ARV1: variants seen among roughly 807,000 people sequenced by gnomAD.
ARV1 encodes the protein protein ARV1.
ARV1 carries 26 observed loss-of-function variants against 31.1 expected under a neutral mutation model. That is an observed-to-expected ratio of 0.84 (90% CI 0.61 to 1.16). The LOEUF is 1.16. Among genes scored for constraint, ARV1 ranks in the 50% most tolerant of loss-of-function variants. The probability of loss-of-function intolerance (pLI) is 0.00; values close to 1 mark genes in which losing one functional copy is unlikely to be tolerated. For missense variants in ARV1, 281 were observed against 324.9 expected (o/e 0.86, Z 1.04); for synonymous variants, 117 against 123.2 (o/e 0.95, Z 0.34).
chr1:230,979,365 G>T (rs540823112), intron 1 of ARV1, 86 bp downstream of exon 1: 2 of 1,476,732 alleles, frequency 1.4e-6, no homozygotes, highest in East Asian at 2.3e-5. Context: ...CTCTGATACA[G>T]TCTTTAGTTC....
chr1:230,980,935 C>G (rs773752863), intron 1 of ARV1, among the ~76,000 whole-genome samples: 2 of 152,156 alleles, frequency 1.3e-5, no homozygotes, highest in Non-Finnish European at 2.9e-5. Flanking sequence ...TTCCCACCCG[C>G]ATTTCATTAG....
chr1:230,979,209 T>G lies in ARV1; in HGVS notation c.104T>G (p.Ile35Ser), dbSNP rs375542897. The G allele has an allele frequency of 6.2e-7, 1 of 1,613,268 alleles. No homozygotes were observed. Among genetic ancestry groups the G allele is most frequent in the African/African-American group, 1.3e-5 (1 of 74,836 alleles). ...TCGGCCTCCTGCCAGTACAGGTGCA[T>G]CGAATGCAACCAGGAGGCCAAAGAG... ...AASASCQYRC[I>S]ECNQEAKELY... The change falls in exon 1 of 6, where the codon ATC becomes AGC. Residue 35 changes from isoleucine to serine, a missense_variant. Coordinates refer to ENST00000310256, the MANE Select transcript of ARV1 (RefSeq NM_022786.3).
Position 230,990,101 on chromosome 1 carries a change from G to A in ARV1, c.295-9G>A, listed in dbSNP as rs568467871. ...TACCTAATTGAATGGCAATGTCTTT[G>A]ACTATCAGATCCATGGAAAACTCTG... On this transcript the variant is annotated splice_polypyrimidine_tract_variant and intron_variant, in intron 2 of 5. Coordinates refer to ENST00000310256, the MANE Select transcript of ARV1 (RefSeq NM_022786.3). 4 of 1,598,022 alleles carry A rather than the reference G, an allele frequency of 2.5e-6. No individual in the cohort carries two copies. The East Asian group carries it at 9.0e-5, about 36-fold the overall frequency.
intron 3 of ARV1, among the ~76,000 whole-genome samples, chr1:230,993,571 G>C (rs1679286787): frequency 6.6e-6 from 1 of 152,094 alleles, no homozygotes; most frequent in East Asian, 1.9e-4. Context: ...ATGTGTCTTA[G>C]TCTAATCCCT....
In ARV1 at chr1:230,997,144, C is replaced by T; in HGVS notation, c.697C>T (p.Leu233Phe). The T allele has an allele frequency of 6.2e-7, 1 of 1,613,768 alleles. No individual in the cohort carries two copies. Among genetic ancestry groups the T allele is most frequent in the South Asian group, 1.1e-5 (1 of 91,038 alleles). Residue 233 changes from leucine to phenylalanine, a missense_variant, in exon 5 of 6, where the codon CTC becomes TTC. Leu to Phe is a conservative substitution (Grantham distance 22). Transcript: ENST00000310256. ...IRVTLNINRK[L>F]SFLAVLSGLL... ...AGTGACCCTAAACATCAACCGTAAG[C>T]TCTCCTTCTTGGCCGTGTTGAGTGG... is the stretch of plus-strand genomic sequence containing the variant.
In ARV1 at chr1:230,984,363, C is replaced by CGTGTGTGTGTGTGT. The variant is rs34285543; in HGVS notation, c.175-3932_175-3919dup. On this transcript the variant is annotated intron_variant, in intron 1 of 5. Coordinates refer to ENST00000310256, the MANE Select transcript of ARV1 (RefSeq NM_022786.3). Reference sequence around the variant, plus strand: ...TGTTTCGTGTGTGTGTGTGTGTGTGCGTGTGTGTGTGTGTGTGTGTGTGTG... The same window carrying CGTGTGTGTGTGTGT: ...TGTTTCGTGTGTGTGTGTGTGTGTGCGTGTGTGTGTGTGTGTGTGTGTGTGTGTGTGTGTGTGTG... 1.5e-3 allele frequency among the ~76,000 whole-genome samples: 191 copies of CGTGTGTGTGTGTGT among 129,836 alleles called. 1 individual carries two copies. The highest frequency in any genetic ancestry group is 2.3e-3 in the Non-Finnish European group (137 of 60,758). The allele number at this position is 129,836 out of a possible 152,430, so 85.2% of individuals were successfully genotyped here. A position where few individuals can be genotyped will look rare whatever the true frequency, so the allele number is the denominator to read the frequency against.
At chr1:230,987,734 T>G (rs975998885) in intron 1 of ARV1, among the ~76,000 whole-genome samples, 8 of 152,218 alleles carry the variant, frequency 5.3e-5, no homozygotes, top group Admixed American at 2.0e-4. Flanking sequence ...TCTTTCCATA[T>G]CCTTGATGTT....
At chr1:230,984,754 A>G (rs902785888) in intron 1 of ARV1, among the ~76,000 whole-genome samples, 2 of 152,246 alleles carry the variant, frequency 1.3e-5, no homozygotes, top group Admixed American at 1.3e-4. Flanking sequence ...TAAAAGACAA[A>G]TGGTTACAAG....
intron 1 of ARV1, among the ~76,000 whole-genome samples, chr1:230,982,806 A>G (rs1487894332): frequency 6.6e-6 from 1 of 152,226 alleles, no homozygotes; most frequent in African/African-American, 2.4e-5. Flanking sequence ...CCTCTGAGAT[A>G]CAAAAAGTAA....
intron 1 of ARV1, among the ~76,000 whole-genome samples, chr1:230,985,902 G>A (rs775046819): frequency 2.0e-5 from 3 of 150,656 alleles, no homozygotes; most frequent in African/African-American, 4.9e-5. Context: ...CTCCTTATGC[G>A]TCAGTTTGAT....
At chr1:230,980,663 A>G (rs762602662) in intron 1 of ARV1, among the ~76,000 whole-genome samples, 3 of 152,062 alleles carry the variant, frequency 2.0e-5, no homozygotes, top group Non-Finnish European at 4.4e-5. Context: ...TTGCAACAAC[A>G]TAAACCCAAT....
intron 1 of ARV1, among the ~76,000 whole-genome samples, chr1:230,984,375 T>TGCGTGC (rs1166140005): frequency 1.6e-5 from 2 of 122,246 alleles, no homozygotes; most frequent in African/African-American, 6.0e-5. Flanking sequence ...TGTGTGTGTG[T>TGCGTGC]GTGTGTGTGT....
chr1:230,986,668 ATTTTTTTTTTTTTTTTTT>A (rs1162209283), intron 1 of ARV1, among the ~76,000 whole-genome samples: 760 of 62,344 alleles, frequency 0.012, 13 homozygotes, highest in African/African-American at 0.04. Context: ...TACTTTTCCT[ATTTTTTTTTTTTTTTTTT>A]TTTTTTTTTT....
intron 4 of ARV1, among the ~76,000 whole-genome samples, chr1:230,996,721 G>T (rs906930489): frequency 6.6e-6 from 1 of 152,108 alleles, no homozygotes; most frequent in Non-Finnish European, 1.5e-5. Context: ...AGCATGAGCC[G>T]CTGTGCCTGG....
chr1:230,984,369 T>TGCGCGC (rs1278300143), intron 1 of ARV1, among the ~76,000 whole-genome samples: 11 of 88,458 alleles, frequency 1.2e-4, no homozygotes, highest in African/African-American at 3.7e-4. Flanking sequence ...TGTGCGTGTG[T>TGCGCGC]GTGTGTGTGT....
chr1:230,979,354 C>A, intron 1 of ARV1, 75 bp downstream of exon 1: 1 of 1,526,152 alleles, frequency 6.6e-7, no homozygotes, highest in Non-Finnish European at 9.0e-7. Flanking sequence ...GGAGCAGGGT[C>A]CTCTGATACA....
At chr1:230,986,630 T>C (rs1409138100) in intron 1 of ARV1, among the ~76,000 whole-genome samples, 1 of 150,502 alleles carries the variant, frequency 6.6e-6, no homozygotes, top group Non-Finnish European at 1.5e-5. Flanking sequence ...AACACGTTTC[T>C]GTTCGTGCCT....
intron 1 of ARV1, among the ~76,000 whole-genome samples, chr1:230,982,214 G>T (rs75078118): frequency 7.9e-5 from 12 of 152,292 alleles, no homozygotes; most frequent in Admixed American, 2.6e-4. Context: ...TTTTAGATTA[G>T]CATATGCTTG....
chr1:230,990,720 A>T, intron 3 of ARV1: 1 of 236,346 alleles, frequency 4.2e-6, no homozygotes, highest in Non-Finnish European at 8.8e-6. Context: ...CACACCATGC[A>T]CCACCTCCAG....
Sources: gnomAD v4.1 joint callset for allele counts (sites outside exome capture counted in the v4.1 genomes callset) on GRCh38, gnomAD v4.1.1 for gene constraint, MANE v1.5 for transcripts, NCBI Gene and HGNC (gene_info 2026-07-23, HGNC 2026-07-21) for gene names.